The following AP1M1 variants were observed in gnomAD, a reference collection of about 807,000 sequenced individuals.
The protein encoded by AP1M1 is adaptor related protein complex 1 subunit mu 1, also known as AP-1 complex subunit mu-1.
Under a neutral mutation model 57.1 loss-of-function variants are expected in AP1M1, and 18 were observed. The observed-to-expected ratio is 0.32, with a 90% CI of 0.22 to 0.47. The LOEUF is 0.47. Among genes scored for constraint, AP1M1 ranks in the 20% least tolerant of loss-of-function variants. The pLI, the probability that AP1M1 is intolerant of heterozygous loss-of-function variation, is 1.00. For missense variants in AP1M1, 362 were observed against 593.5 expected, an observed-to-expected ratio of 0.61 and a Z score of 4.05; for synonymous variants, 241 against 237.9, an observed-to-expected ratio of 1.01 and a Z score of -0.12.
chr19:16,226,238 G>A (rs1284117713), intron 5 of AP1M1, among the ~76,000 whole-genome samples, 183 bp from the exon 6 acceptor site: 1 of 152,178 alleles, frequency 6.6e-6, no homozygotes, highest in African/African-American at 2.4e-5. Context: ...GGGTTGGTGT[G>A]GGTTAGGGGT....
chr19:16,243,002 C>T lies in AP1M1; in HGVS notation c.*8567C>T, dbSNP rs2091650706. The T allele has an allele frequency of 6.6e-6, 1 of 151,724 alleles. No homozygotes were observed. The highest frequency in any genetic ancestry group is 6.6e-5 in the Admixed American group (1 of 15,218). 9.4% of individuals were successfully genotyped at this position (151,724 alleles called of 1,614,324 possible). Reference sequence around the variant, plus strand: ...GGCCAGGCTGGTCTTGAACCCTGACCTCAGGTGATCCACCCCCACTGGCCT... The same window carrying T: ...GGCCAGGCTGGTCTTGAACCCTGACTTCAGGTGATCCACCCCCACTGGCCT... On this transcript the variant is annotated 3_prime_UTR_variant, in exon 12 of 12. Coordinates refer to ENST00000291439, the MANE Select transcript of AP1M1 (RefSeq NM_032493.4).
rs554591034 is a variant in AP1M1, at chr19:16,215,237, G to GA, written c.546+6061dup. On this transcript the variant is annotated intron_variant, in intron 5 of 11. Coordinates refer to ENST00000291439, the MANE Select transcript of AP1M1 (RefSeq NM_032493.4). ...AGAGGGGGGAGGGGGGAGGGGAGGG[G>GA]ATCACCTGAGGTCAGGAATTCAAGA... Among the ~76,000 whole-genome samples the GA allele has an allele frequency of 4.7e-3, 381 of 81,642 alleles. 20 individuals carry two copies. The highest frequency in any genetic ancestry group is 0.013 in the African/African-American group (357 of 27,068). The allele number at this position is 81,642 out of a possible 152,430, so 53.6% of individuals were successfully genotyped here.
At position 16,207,958 on chromosome 19, in the gene AP1M1, T is replaced by C; in HGVS notation, c.268-61T>C. 1 of 1,564,082 alleles carries C rather than the reference T, an allele frequency of 6.4e-7. No individual in the cohort carries two copies. The highest frequency in any genetic ancestry group is 1.2e-5 in the South Asian group (1 of 83,300). On this transcript the variant is annotated intron_variant, in intron 3 of 11. Coordinates refer to ENST00000291439, the MANE Select transcript of AP1M1 (RefSeq NM_032493.4). The surrounding 1 kb of genome is among the most constrained non-coding windows in gnomAD (Gnocchi z 4.2). Reference sequence around the variant, plus strand: ...TGAATGTGTGCAAGCGTTCATTCATTCCTCATCCGTCCGCTCAATGATCTG... The same window carrying C: ...TGAATGTGTGCAAGCGTTCATTCATCCCTCATCCGTCCGCTCAATGATCTG...
In AP1M1 at chr19:16,233,474, T is replaced by C. The variant is rs1480659301; in HGVS notation, c.1048-19T>C. On this transcript the variant is annotated intron_variant, in intron 9 of 11. Coordinates refer to ENST00000291439, the MANE Select transcript of AP1M1 (RefSeq NM_032493.4). The stretch of plus-strand genomic sequence containing the variant: ...GGGGCAGGGCCTAGGCCTGAGCGCC[T>C]CCCCCGTCTGCTCCCCAGGGCGGCA... 4.0e-5 allele frequency: 64 copies of C among 1,583,334 alleles called. No homozygotes were observed. The highest frequency in any genetic ancestry group is 5.4e-5 in the Non-Finnish European group (63 of 1,165,970).
At chr19:16,204,653 A>T (rs996793192) in intron 2 of AP1M1, among the ~76,000 whole-genome samples, 39 of 152,262 alleles carry the variant, frequency 2.6e-4, no homozygotes, top group African/African-American at 8.9e-4. Context: ...GCAGAATCCC[A>T]GGCTCCACCC....
At chr19:16,209,300 CA>C in intron 5 of AP1M1, 123 bp downstream of exon 5, 1 of 1,071,316 alleles carries the variant, frequency 9.3e-7, no homozygotes, top group Non-Finnish European at 1.3e-6. Flanking sequence ...TAGCAGGATT[CA>C]GTTTGGGCCA....
Position 16,206,499 on chromosome 19 carries a change from G to T in AP1M1, c.267+91G>T. The T allele has an allele frequency of 7.2e-7, 1 of 1,379,494 alleles. No homozygotes were observed. Among genetic ancestry groups the T allele is most frequent in the Non-Finnish European group, 1.0e-6 (1 of 975,364 alleles). 85.5% of individuals were successfully genotyped at this position (1,379,494 alleles called of 1,614,324 possible). A position where few individuals can be genotyped will look rare whatever the true frequency, so the allele number is the denominator to read the frequency against. ...CCCATACCTGGCCACCCTACAGAGA[G>T]CTGTGGCATCCCCAGGGAGCACTGG... On this transcript the variant is annotated intron_variant, in intron 3 of 11. Transcript: ENST00000291439. The surrounding 1 kb of genome is among the most constrained non-coding windows in gnomAD (Gnocchi z 4.3).
chr19:16,208,845 G>A (rs2091481014), intron 4 of AP1M1, 185 bp from the exon 5 acceptor site: 2 of 607,254 alleles, frequency 3.3e-6, no homozygotes, highest in Admixed American at 3.1e-5. Flanking sequence ...AGATTTTTCT[G>A]TATGAAGCAG....
chr19:16,219,814 A>G (rs1271605572), intron 5 of AP1M1, among the ~76,000 whole-genome samples: 3 of 152,242 alleles, frequency 2.0e-5, no homozygotes, highest in Non-Finnish European at 4.4e-5. Flanking sequence ...AACCTGTCAC[A>G]TGAAGTTGGG....
In AP1M1 at chr19:16,203,378, G is replaced by A. The variant is rs1599451713; in HGVS notation, c.43-81G>A. 1 of 1,457,386 alleles carries A rather than the reference G, an allele frequency of 6.9e-7. No individual in the cohort carries two copies. The highest frequency in any genetic ancestry group is 1.2e-5 in the South Asian group (1 of 85,804). The allele number at this position is 1,457,386 out of a possible 1,614,324, so 90.3% of individuals were successfully genotyped here. On this transcript the variant is annotated intron_variant, in intron 1 of 11. Transcript: ENST00000291439. This position sits in a 1 kb window ranked among gnomAD's most constrained non-coding sequence, Gnocchi z 4.6. ...GGAGTCCCCAGAGCGAAGCAGGGTG[G>A]TGCATCTCACCCCCTGCCCCAAGCC...
At chr19:16,213,095 T>C (rs992178359) in intron 5 of AP1M1, among the ~76,000 whole-genome samples, 1 of 152,204 alleles carries the variant, frequency 6.6e-6, no homozygotes, top group Non-Finnish European at 1.5e-5. Flanking sequence ...TCTGTAGATA[T>C]CTATCAGGTC....
intron 1 of AP1M1, among the ~76,000 whole-genome samples, chr19:16,201,076 C>G (rs1388837353): frequency 6.6e-6 from 1 of 152,192 alleles, no homozygotes; most frequent in African/African-American, 2.4e-5. Flanking sequence ...TGCTCTCTTT[C>G]CATTTCAGTG....
intron 1 of AP1M1, among the ~76,000 whole-genome samples, chr19:16,198,805 C>CT (rs60626435): frequency 0.12 from 17,846 of 150,888 alleles, 1,294 homozygotes; most frequent in East Asian, 0.32. Flanking sequence ...AAAACAGTCC[C>CT]TTTTTTTTTG....
In AP1M1 at chr19:16,206,564, C is replaced by G; in HGVS notation, c.267+156C>G. Reference sequence around the variant, plus strand: ...GAAGTGGGAAAGGGGAGTCCCAACTCCCCACGCCTGTGGAATTCTATAGCT... The same window carrying G: ...GAAGTGGGAAAGGGGAGTCCCAACTGCCCACGCCTGTGGAATTCTATAGCT... On this transcript the variant is annotated intron_variant, in intron 3 of 11. Transcript: ENST00000291439. This position sits in a 1 kb window ranked among gnomAD's most constrained non-coding sequence, Gnocchi z 4.3. The G allele has an allele frequency of 1.4e-6, 1 of 725,868 alleles. No individual in the cohort carries two copies. The highest frequency in any genetic ancestry group is 1.8e-5 in the African/African-American group (1 of 56,740). The allele number at this position is 725,868 out of a possible 1,614,324, so 45.0% of individuals were successfully genotyped here.
At chr19:16,201,096 C>T (rs1158471492) in intron 1 of AP1M1, among the ~76,000 whole-genome samples, 3 of 152,332 alleles carry the variant, frequency 2.0e-5, no homozygotes, top group African/African-American at 7.2e-5. Flanking sequence ...GATGCCATCA[C>T]CCATTCAGCC....
chr19:16,224,264 T>C (rs967809862), intron 5 of AP1M1, among the ~76,000 whole-genome samples: 1 of 152,154 alleles, frequency 6.6e-6, no homozygotes, highest in African/African-American at 2.4e-5. Flanking sequence ...CTGGGTGCTG[T>C]GGGGTGCAAA....
intron 9 of AP1M1, among the ~76,000 whole-genome samples, chr19:16,232,741 G>A (rs578016404): frequency 5.9e-5 from 9 of 152,340 alleles, no homozygotes; most frequent in South Asian, 2.1e-4. Context: ...ACGGAACCTC[G>A]GCCTGAGCCC....
In AP1M1 at chr19:16,229,335, T is replaced by C. The variant is rs73011162; in HGVS notation, c.1047+407T>C. Among the ~76,000 whole-genome samples the C allele has an allele frequency of 5.1e-3, 777 of 152,366 alleles. 3 individuals carry two copies. The highest frequency in any genetic ancestry group is 9.2e-3 in the Admixed American group (141 of 15,304). ...CCTGCCATCAAGGGGAACGGCTGCC[T>C]GTAGGCCGGAGCAGCACAGCCTCCA... On this transcript the variant is annotated intron_variant, in intron 9 of 11. Coordinates refer to ENST00000291439, the MANE Select transcript of AP1M1 (RefSeq NM_032493.4).
chr19:16,198,664 C>T (rs1056485337), intron 1 of AP1M1, among the ~76,000 whole-genome samples: 28 of 152,164 alleles, frequency 1.8e-4, no homozygotes, highest in African/African-American at 6.8e-4. Flanking sequence ...TGACCAAGGT[C>T]ACAATGGTCA....
Sources: allele counts gnomAD v4.1 joint callset (sites outside exome capture counted in the v4.1 genomes callset), GRCh38; gene constraint gnomAD v4.1.1; non-coding constraint Gnocchi (gnomAD v3.1); transcripts MANE v1.5; gene names NCBI Gene and HGNC (gene_info 2026-07-23, HGNC 2026-07-21).